The following PLEC variants were observed in gnomAD, a reference collection of about 807,000 sequenced individuals.
PLEC encodes the protein hemidesmosomal protein 1.
A neutral mutation model predicts 392.8 loss-of-function variants in PLEC; 216 were observed. That is an observed-to-expected ratio of 0.55 (90% CI 0.49 to 0.62). The LOEUF is 0.62. Among genes scored for constraint, PLEC ranks in the 20% least tolerant of loss-of-function variants. The probability of loss-of-function intolerance (pLI) is 0.00; values close to 1 mark genes in which losing one functional copy is unlikely to be tolerated. For missense variants in PLEC, 6,863 were observed against 6,563.4 expected (o/e 1.05, Z -1.58); for synonymous variants, 3,621 against 2,980.6 (o/e 1.21, Z -7.00).
At chr8:143,948,276 C>T (rs1831729580) in intron 1 of PLEC, among the ~76,000 whole-genome samples, 1 of 152,222 alleles carries the variant, frequency 6.6e-6, no homozygotes. Flanking sequence ...ACAGTTGGCC[C>T]ACGAGCTCTG....
chr8:143,922,717 C>G lies in PLEC; in HGVS notation c.7212G>C (p.Gln2404His). ...RAQARAEEDA[Q>H]RFRKQAEEIG... ...TCTCCTCCGCCTGCTTCCGGAAGCGCTGGGCGTCCTCCTCAGCGCGGGCCT... is the reference window on the plus strand; with the variant it reads ...TCTCCTCCGCCTGCTTCCGGAAGCGGTGGGCGTCCTCCTCAGCGCGGGCCT... The change falls in exon 31 of 32, where the codon CAG (glutamine) becomes CAC (histidine). Residue 2404 changes from glutamine to histidine, a missense_variant. Transcript: ENST00000345136. 1 of 1,612,182 alleles carries G rather than the reference C, an allele frequency of 6.2e-7. No individual in the cohort carries two copies. The highest frequency in any genetic ancestry group is 2.2e-5 in the East Asian group (1 of 44,834).
At chr8:143,936,122 G>A (rs1451073070) in intron 5 of PLEC, 108 bp from the exon 6 acceptor site, 9 of 1,292,240 alleles carry the variant, frequency 7.0e-6, no homozygotes, top group Non-Finnish European at 9.9e-6. Flanking sequence ...CAGGGGGAGT[G>A]CATGGGGCCA....
At chr8:143,948,192 G>A (rs1831718255) in intron 1 of PLEC, among the ~76,000 whole-genome samples, 1 of 152,242 alleles carries the variant, frequency 6.6e-6, no homozygotes, top group South Asian at 2.1e-4. Context: ...TCACTGCAGG[G>A]GTACAGCTGG....
intron 3 of PLEC, among the ~76,000 whole-genome samples, chr8:143,937,450 GA>G (rs1481253983): frequency 6.6e-6 from 1 of 152,030 alleles, no homozygotes; most frequent in African/African-American, 2.4e-5. Flanking sequence ...GAAGTCCAGC[GA>G]CCCAGGCTGA....
upstream of PLEC, chr8:143,942,609 GC>G (rs1243812070): frequency 5.7e-6 from 8 of 1,400,334 alleles, no homozygotes; most frequent in East Asian, 8.2e-5. Flanking sequence ...CTGCGAGGCT[GC>G]CGGCTTCGCT....
chr8:143,933,351 C>T lies in PLEC; in HGVS notation c.1264G>A (p.Asp422Asn), dbSNP rs1554719392. ...LNQADALLQS[D>N]VRLLAAGKVP... ...TTGCCTGCAGCCAGCAGCCGGACAT[C>T]CTGCAAGGTCGTTGCCATGACTCGG... The change falls in exon 13 of 32, where the codon GAT becomes AAT. Residue 422 changes from aspartate (D) to asparagine (N), a missense_variant and splice_region_variant. Asp to Asn is a conservative substitution (Grantham distance 23). Coordinates refer to ENST00000345136, the MANE Select transcript of PLEC (RefSeq NM_201384.3). 1.2e-6 allele frequency: 2 copies of T among 1,610,440 alleles called. No homozygotes were observed. The highest frequency in any genetic ancestry group is 2.2e-5 in the South Asian group (2 of 91,084).
upstream of PLEC, among the ~76,000 whole-genome samples, chr8:143,941,832 C>T (rs1394322028): frequency 6.6e-6 from 1 of 152,126 alleles, no homozygotes; most frequent in Non-Finnish European, 1.5e-5. Flanking sequence ...TGCCTCTGCA[C>T]ACCTGCCTGA....
upstream of PLEC, among the ~76,000 whole-genome samples, chr8:143,976,135 G>T (rs941809702): frequency 1.4e-4 from 21 of 152,248 alleles, no homozygotes; most frequent in Non-Finnish European, 2.1e-4. Flanking sequence ...CGGGAGCTCT[G>T]CTGCAGCGAG....
upstream of PLEC, chr8:143,973,609 C>CGGGCG (rs568200436): frequency 3.0e-3 from 2,525 of 838,592 alleles, 57 homozygotes; most frequent in African/African-American, 0.042. The surrounding 1 kb of genome is among the most constrained non-coding windows in gnomAD (Gnocchi z 5.6). Flanking sequence ...GGATGCCCCA[C>CGGGCG]GGGCGGGGCG....
upstream of PLEC, among the ~76,000 whole-genome samples, chr8:143,953,104 C>T (rs1302837327): frequency 1.3e-5 from 2 of 151,106 alleles, no homozygotes; most frequent in African/African-American, 2.4e-5. Flanking sequence ...GAAGCTACCG[C>T]CCCCTGCCCC....
chr8:143,950,288 T>C (rs1554735144), exon 1 of PLEC: 1 of 1,570,810 alleles, frequency 6.4e-7, no homozygotes, highest in East Asian at 2.3e-5. Context: ...CTTCCGACGG[T>C]AGACCCGCTG....
At chr8:143,950,965 C>T, upstream of PLEC, 3 of 658,012 alleles carry the variant, frequency 4.6e-6, no homozygotes, top group Non-Finnish European at 7.2e-6. Flanking sequence ...CGGGCCGGCC[C>T]CCTCTGACTC....
Position 143,923,203 on chromosome 8 carries a change from C to T in PLEC, c.6726G>A (p.Lys2242=). 3 of 1,602,868 alleles carry T rather than the reference C, an allele frequency of 1.9e-6. No individual in the cohort carries two copies. Among genetic ancestry groups the T allele is most frequent in the Non-Finnish European group, 1.7e-6 (2 of 1,179,894 alleles). ...SVRVQMEELS[K]LKARIEAENR... Reference sequence around the variant, plus strand: ...TCTCAGCCTCGATGCGTGCCTTGAGCTTGCTCAGCTCCTCCATCTGCACGC... The same window carrying T: ...TCTCAGCCTCGATGCGTGCCTTGAGTTTGCTCAGCTCCTCCATCTGCACGC... Residue 2242 remains lysine (K), a synonymous_variant, in exon 31 of 32, where the codon AAG becomes AAA. Transcript: ENST00000345136.
rs782596567 is a variant in PLEC, at chr8:143,917,382, C to T, written c.12439G>A (p.Glu4147Lys). 9 of 1,611,442 alleles carry T rather than the reference C, an allele frequency of 5.6e-6. No homozygotes were observed. Among genetic ancestry groups the T allele is most frequent in the East Asian group, 4.5e-5 (2 of 44,884 alleles). ...RKRRVVIVDPETGKEMSVYEA... is the reference protein window; with the variant it reads ...RKRRVVIVDPKTGKEMSVYEA... The stretch of plus-strand genomic sequence containing the variant: ...TACACTGACATCTCCTTGCCCGTCT[C>T]GGGGTCCACGATGACCACTCGGCGC... The change falls in exon 32 of 32, where the codon GAG becomes AAG. Residue 4147 changes from glutamate to lysine, a missense_variant. Coordinates refer to ENST00000345136, the MANE Select transcript of PLEC (RefSeq NM_201384.3).
intron 1 of PLEC, among the ~76,000 whole-genome samples, chr8:143,947,906 CCT>C (rs1157883283): frequency 2.0e-5 from 3 of 152,226 alleles, no homozygotes; most frequent in Non-Finnish European, 4.4e-5. Flanking sequence ...TCCCTCTGTC[CCT>C]CTCTCTGGGC....
In PLEC at chr8:143,925,780, C is replaced by T. The variant is rs781890928; in HGVS notation, c.4149G>A (p.Lys1383=). 1.9e-6 allele frequency: 3 copies of T among 1,587,898 alleles called. No individual in the cohort carries two copies. The highest frequency in any genetic ancestry group is 2.6e-6 in the Non-Finnish European group (3 of 1,174,456). ...CCTTCGCCTCCCGCTCCGCCTGTGC[C>T]TTTGCCTGGGCGTGCGCCTCGGCCA... is the stretch of plus-strand genomic sequence containing the variant. ...RQLAEAHAQA[K]AQAEREAKEL... is the part of the protein sequence containing the mutation. The change falls in exon 31 of 32, where the codon AAG becomes AAA. Residue 1383 remains lysine, a synonymous_variant. Transcript: ENST00000345136.
At position 143,924,408 on chromosome 8, in the gene PLEC, C is replaced by T. The variant is rs201657125; in HGVS notation, c.5521G>A (p.Ala1841Thr). The T allele has an allele frequency of 1.8e-4, 285 of 1,593,074 alleles. 3 individuals are homozygous for T. The East Asian group carries it at 2.4e-3, about 14-fold the overall frequency. Residue 1841 changes from alanine (A) to threonine (T), a missense_variant, in exon 31 of 32, where the codon GCC becomes ACC. Physicochemically the swap from Ala to Thr is moderately conservative, Grantham distance 58. Transcript: ENST00000345136. Reference protein sequence around the residue: ...AERVLAEKLAAIGEATRLKTE... With the variant: ...AERVLAEKLATIGEATRLKTE... ...TTGAGCCGCGTGGCCTCGCCGATGG[C>T]GGCCAGCTTCTCCGCAAGCACCCGC...
intron 19 of PLEC, 91 bp downstream of exon 19, chr8:143,931,443 C>T (rs1827212414): frequency 7.0e-7 from 1 of 1,422,318 alleles, no homozygotes; most frequent in Non-Finnish European, 9.6e-7. Flanking sequence ...CTGCTGGCCC[C>T]TCCAGTTGCC....
upstream of PLEC, among the ~76,000 whole-genome samples, chr8:143,953,448 CCCGCCGCCGCCGCCGCCGCCG>C (rs1174485406): frequency 6.6e-6 from 1 of 150,980 alleles, no homozygotes; most frequent in African/African-American, 2.5e-5. Context: ...CTGTCCCCGC[CCCGCCGCCGCCGCCGCCGCCG>C]CCGCCGCTGC....
Sources: allele counts gnomAD v4.1 joint callset (sites outside exome capture counted in the v4.1 genomes callset), GRCh38; gene constraint gnomAD v4.1.1; non-coding constraint Gnocchi (gnomAD v3.1); transcripts MANE v1.5; gene names NCBI Gene and HGNC (gene_info 2026-07-23, HGNC 2026-07-21).